MPZ: variants seen among roughly 807,000 people sequenced by gnomAD.
MPZ encodes the protein myelin protein P0.
A neutral mutation model predicts 27.9 loss-of-function variants in MPZ; 13 were observed. That is an observed-to-expected ratio of 0.47 (90% CI 0.30 to 0.74). The LOEUF (loss-of-function observed/expected upper bound fraction) is 0.74, where lower values mean the gene tolerates loss of function less well. Among genes scored for constraint, MPZ ranks in the 30% least tolerant of loss-of-function variants. The pLI is 0.06. For synonymous variants in MPZ, 118 were observed against 128.9 expected (o/e 0.92, Z 0.57); for missense variants, 256 against 317.5 (o/e 0.81, Z 1.47).
rs776316386 is a variant in MPZ, at chr1:161,306,408, C to A, written c.505G>T (p.Val169Leu). 2.5e-6 allele frequency: 4 copies of A among 1,614,058 alleles called. No homozygotes were observed. In the Admixed American group the frequency reaches 6.7e-5, roughly 27 times the overall value. ...TAGAAAAGCAGCAGCAGCAACAGCA[C>A]CACCCCGAGGACACCCCCGATCACA... is the stretch of plus-strand genomic sequence containing the variant. ...GAVIGGVLGV[V>L]LLLLLLFYVV... Residue 169 changes from valine (V) to leucine (L), a missense_variant, in exon 4 of 6, where the codon GTG (valine) becomes TTG (leucine). Around this residue, in one of 2 missense-constraint regions of MPZ, gnomAD observed 155 missense variants for 223.9 expected, o/e 0.69. Coordinates refer to ENST00000533357, the MANE Select transcript of MPZ (RefSeq NM_000530.8).
intron 1 of MPZ, among the ~76,000 whole-genome samples, chr1:161,309,552 A>ATAT: frequency 3.0e-4 from 24 of 80,664 alleles, no homozygotes; most frequent in African/African-American, 7.5e-4. Flanking sequence ...ATATATATAT[A>ATAT]TTTTTTTTTT....
chr1:161,305,990 C>G lies in MPZ; in HGVS notation c.646-13G>C. 6.2e-7 allele frequency: 1 copy of G among 1,612,262 alleles called. No homozygotes were observed. Among genetic ancestry groups the G allele is most frequent in the East Asian group, 2.2e-5 (1 of 44,850 alleles). On this transcript the variant is annotated splice_polypyrimidine_tract_variant and intron_variant, in intron 5 of 5. Transcript: ENST00000533357. ...ACAGCACTGGCGTCTGGGGGAGGGG[C>G]GCACACATCAGTCACCGAGCGACTG...
chr1:161,309,635 T>C (rs1670354690), intron 1 of MPZ, among the ~76,000 whole-genome samples: 1 of 149,786 alleles, frequency 6.7e-6, no homozygotes, highest in Non-Finnish European at 1.5e-5. Context: ...CAAATAATTA[T>C]CCCACCTTGG....
At chr1:161,309,552 A>ATATATATATATATATATTTTTTTTTT in intron 1 of MPZ, among the ~76,000 whole-genome samples, 1 of 80,660 alleles carries the variant, frequency 1.2e-5, no homozygotes, top group African/African-American at 5.8e-5. Flanking sequence ...ATATATATAT[A>ATATATATATATATATATTTTTTTTTT]TTTTTTTTTT....
chr1:161,309,822 A>T lies in MPZ; in HGVS notation c.67+17T>A. 6.4e-7 allele frequency: 1 copy of T among 1,566,282 alleles called. No homozygotes were observed. The highest frequency in any genetic ancestry group is 1.3e-5 in the African/African-American group (1 of 74,466). ...ACCTGAGTCCCAAGACTCCCAGAGT[A>T]GAGTGGCTCCACTTACCCAAAGAAG... On this transcript the variant is annotated intron_variant, in intron 1 of 5. Transcript: ENST00000533357.
At position 161,305,672 on chromosome 1, in the gene MPZ, G is replaced by T. The variant is rs1010789411; in HGVS notation, c.*204C>A. ...CCCTGCTCTGGCAGGGCCTGGGGTG[G>T]GGGGGTGGCGATCACTTGTCCGAGT... is the stretch of plus-strand genomic sequence containing the variant. On this transcript the variant is annotated 3_prime_UTR_variant, in exon 6 of 6. Transcript: ENST00000533357. 1 of 591,706 alleles carries T rather than the reference G, an allele frequency of 1.7e-6. No individual in the cohort carries two copies. The highest frequency in any genetic ancestry group is 3.0e-6 in the Non-Finnish European group (1 of 332,920). The allele number at this position is 591,706 out of a possible 1,614,324, so 36.7% of individuals were successfully genotyped here.
In MPZ at chr1:161,306,869, T is replaced by C; in HGVS notation, c.287A>G (p.Lys96Arg). 6.2e-7 allele frequency: 1 copy of C among 1,613,912 alleles called. No individual in the cohort carries two copies. Among genetic ancestry groups the C allele is most frequent in the Admixed American group, 1.7e-5 (1 of 60,000 alleles). Reference sequence around the variant, plus strand: ...GTCCCCTACCCACTGGATGCGCTCTTTGAAGGTCCCCACCTCGTCAATGTA... The same window carrying C: ...GTCCCCTACCCACTGGATGCGCTCTCTGAAGGTCCCCACCTCGTCAATGTA... ...QPYIDEVGTF[K>R]ERIQWVGDPR... The change falls in exon 3 of 6, where the codon AAA becomes AGA. Residue 96 changes from lysine to arginine, a missense_variant. Transcript: ENST00000533357.
rs774748921 is a variant in MPZ at position 161,305,774 on chromosome 1, G to A, written c.*102C>T. 9.7e-5 allele frequency: 82 copies of A among 849,494 alleles called. No individual in the cohort carries two copies. Among genetic ancestry groups the A allele is most frequent in the Non-Finnish European group, 1.4e-4 (77 of 537,304 alleles). The allele number at this position is 849,494 out of a possible 1,614,324, so 52.6% of individuals were successfully genotyped here. ...ACTTGACAGCAGGCCGGAGCTCCGG[G>A]CTCTGCTCATCCTTTCGTAGCTCCA... On this transcript the variant is annotated 3_prime_UTR_variant, in exon 6 of 6. Coordinates refer to ENST00000533357, the MANE Select transcript of MPZ (RefSeq NM_000530.8).
At chr1:161,304,541 TA>T (rs1175401398), downstream of MPZ, among the ~76,000 whole-genome samples, 1 of 152,208 alleles carries the variant, frequency 6.6e-6, no homozygotes, top group African/African-American at 2.4e-5. Context: ...CAACGTAGTA[TA>T]ATCTCACTGA....
Position 161,307,244 on chromosome 1 carries a change from C to T in MPZ, c.234+14G>A, listed in dbSNP as rs1268612285. The stretch of plus-strand genomic sequence containing the variant: ...TTTCTGTTATCCAACCCCAGGATTC[C>T]CCCAGGCACTCACCGAAATGGCATC... On this transcript the variant is annotated intron_variant, in intron 2 of 5. Transcript: ENST00000533357. 1.9e-6 allele frequency: 3 copies of T among 1,614,068 alleles called. No individual in the cohort carries two copies. The highest frequency in any genetic ancestry group is 2.7e-5 in the African/African-American group (2 of 74,930).
intron 2 of MPZ, 109 bp downstream of exon 2, chr1:161,307,149 G>A: frequency 7.0e-7 from 1 of 1,420,740 alleles, no homozygotes; most frequent in African/African-American, 1.4e-5. Context: ...TGCCAAAGTT[G>A]GGGTTATGGC....
chr1:161,306,128 C>T lies in MPZ; in HGVS notation c.625G>A (p.Ala209Thr), dbSNP rs571896811. The T allele has an allele frequency of 6.2e-7, 1 of 1,614,248 alleles. No homozygotes were observed. The highest frequency in any genetic ancestry group is 8.5e-7 in the Non-Finnish European group (1 of 1,180,038). Residue 209 changes from alanine (A) to threonine (T), a missense_variant, in exon 5 of 6, where the codon GCG becomes ACG. By Grantham distance (58) the Ala-to-Thr change is moderately conservative. Transcript: ENST00000533357. ...KGKLHKPGKDASKRGRQTPVL... is the reference protein window; with the variant it reads ...KGKLHKPGKDTSKRGRQTPVL... ...CTAACCTGCCGCCCGCGCTTCGACG[C>T]GTCCTTTCCTGGCTTGTGCAATTTC...
Position 161,306,902 on chromosome 1 carries a change from C to T in MPZ, c.254G>A (p.Gly85Glu). The change falls in exon 3 of 6, where the codon GGA (glycine) becomes GAA (glutamate). Residue 85 changes from glycine (G) to glutamate (E), a missense_variant. Physicochemically the swap from Gly to Glu is moderately conservative, Grantham distance 98. Coordinates refer to ENST00000533357, the MANE Select transcript of MPZ (RefSeq NM_000530.8). ...DAISIFHYAK[G>E]QPYIDEVGTF... is the part of the protein sequence containing the mutation. ...CCCCACCTCGTCAATGTAGGGTTGT[C>T]CCTTGGCATAGTGGAAGATCTATGA... 1 of 1,611,818 alleles carries T rather than the reference C, an allele frequency of 6.2e-7. No individual in the cohort carries two copies. The highest frequency in any genetic ancestry group is 8.5e-7 in the Non-Finnish European group (1 of 1,179,196).
chr1:161,306,929 G>C lies in MPZ; in HGVS notation c.235-8C>G. On this transcript the variant is annotated splice_polypyrimidine_tract_variant and splice_region_variant and intron_variant, in intron 2 of 5. Transcript: ENST00000533357. ...CTTGGCATAGTGGAAGATCTATGAGGAATGAGGGGAAGCATGTGAGAGGAC... is the reference window on the plus strand; with the variant it reads ...CTTGGCATAGTGGAAGATCTATGAGCAATGAGGGGAAGCATGTGAGAGGAC... 1 of 1,553,842 alleles carries C rather than the reference G, an allele frequency of 6.4e-7. No homozygotes were observed. Among genetic ancestry groups the C allele is most frequent in the Non-Finnish European group, 8.8e-7 (1 of 1,142,444 alleles).
downstream of MPZ, among the ~76,000 whole-genome samples, chr1:161,303,965 GA>G (rs1215385580): frequency 6.6e-6 from 1 of 152,182 alleles, no homozygotes; most frequent in Non-Finnish European, 1.5e-5. Flanking sequence ...ACAAGGGGAA[GA>G]AATTACTTGT....
Position 161,307,436 on chromosome 1 carries a change from A to G in MPZ, c.68-12T>C. ...GGCCGGGGACAGCACTGCAAGCACA[A>G]AGTGGGGAATCAGATGCACCTATGG... is the stretch of plus-strand genomic sequence containing the variant. On this transcript the variant is annotated splice_polypyrimidine_tract_variant and intron_variant, in intron 1 of 5. Coordinates refer to ENST00000533357, the MANE Select transcript of MPZ (RefSeq NM_000530.8). 6.2e-7 allele frequency: 1 copy of G among 1,613,946 alleles called. No individual in the cohort carries two copies. The highest frequency in any genetic ancestry group is 8.5e-7 in the Non-Finnish European group (1 of 1,180,026).
In MPZ at chr1:161,306,768, T is replaced by C; in HGVS notation, c.388A>G (p.Lys130Glu). The change falls in exon 3 of 6, where the codon AAA (lysine) becomes GAA (glutamate). Residue 130 changes from lysine to glutamate, a missense_variant. Around this residue, in one of 2 missense-constraint regions of MPZ, gnomAD observed 155 missense variants for 223.9 expected, o/e 0.69. Coordinates refer to ENST00000533357, the MANE Select transcript of MPZ (RefSeq NM_000530.8). The stretch of plus-strand genomic sequence containing the variant: ...TTGCCCACTATGTCTGGAGGGTTTT[T>C]GACGTCACAAGTGAACGTGCCATTG... ...SDNGTFTCDV[K>E]NPPDIVGKTS... 1.9e-6 allele frequency: 3 copies of C among 1,614,134 alleles called. No homozygotes were observed. The highest frequency in any genetic ancestry group is 1.7e-6 in the Non-Finnish European group (2 of 1,180,036).
chr1:161,305,717 G>A lies in MPZ; in HGVS notation c.*159C>T. 1 of 614,506 alleles carries A rather than the reference G, an allele frequency of 1.6e-6. No homozygotes were observed. The highest frequency in any genetic ancestry group is 2.9e-6 in the Non-Finnish European group (1 of 346,874). The allele number at this position is 614,506 out of a possible 1,614,324, so 38.1% of individuals were successfully genotyped here. On this transcript the variant is annotated 3_prime_UTR_variant, in exon 6 of 6. Transcript: ENST00000533357. ...CCGAGTTCAGGCCCATCATGTTCTTGAGGGCGTTTTTGAGGCTGGTTCTGC... is the reference window on the plus strand; with the variant it reads ...CCGAGTTCAGGCCCATCATGTTCTTAAGGGCGTTTTTGAGGCTGGTTCTGC...
At chr1:161,306,600 A>C (rs767748417) in intron 3 of MPZ, 108 bp downstream of exon 3, 35 of 1,546,850 alleles carry the variant, frequency 2.3e-5, no homozygotes, top group Admixed American at 1.0e-4. Flanking sequence ...CCAGAGCCTG[A>C]ATAAAGGTCC....
Sources: gnomAD v4.1 joint callset for allele counts (sites outside exome capture counted in the v4.1 genomes callset) on GRCh38, gnomAD v4.1.1 for gene constraint, gnomAD v4.1.1 regional missense constraint, MANE v1.5 for transcripts, NCBI Gene and HGNC (gene_info 2026-07-23, HGNC 2026-07-21) for gene names.